Variants in ALPL observed in about 807,000 individuals in gnomAD.
ALPL encodes the protein alkaline phosphatase, tissue-nonspecific isozyme.
Under a neutral mutation model 51.3 loss-of-function variants are expected in ALPL, and 42 were observed. The observed-to-expected ratio is 0.82, with a 90% CI of 0.64 to 1.06. The LOEUF (loss-of-function observed/expected upper bound fraction) is 1.06. Ranked by LOEUF, ALPL falls within the 50% of genes least tolerant of loss-of-function variation. The pLI is 0.00. For missense variants in ALPL, 589 were observed against 709.4 expected (o/e 0.83, Z 1.93); for synonymous variants, 279 against 296.4 (o/e 0.94, Z 0.60).
At chr1:21,548,433 G>C (rs1045435562) in intron 1 of ALPL, among the ~76,000 whole-genome samples, 4 of 152,262 alleles carry the variant, frequency 2.6e-5, no homozygotes, top group Non-Finnish European at 5.9e-5. Context: ...GAGCATCCCA[G>C]CCTGAACTGG....
intron 1 of ALPL, among the ~76,000 whole-genome samples, chr1:21,535,295 C>A (rs139628507): frequency 0.029 from 4,359 of 152,224 alleles, 121 homozygotes; most frequent in Non-Finnish European, 0.038. Context: ...TCTCTGGCCA[C>A]AGCCTGCAAG....
chr1:21,568,049 G>A, intron 6 of ALPL, 55 bp from the exon 7 acceptor site: 1 of 1,612,634 alleles, frequency 6.2e-7, no homozygotes. Context: ...CGAGGTCACT[G>A]GGGCTTCTGG....
chr1:21,512,795 T>C (rs1008277649), intron 1 of ALPL, among the ~76,000 whole-genome samples: 8 of 152,198 alleles, frequency 5.3e-5, no homozygotes, highest in African/African-American at 1.9e-4. Context: ...TTTCCATGCT[T>C]AAATTCTCAG....
At chr1:21,523,063 A>G (rs1643900000) in intron 1 of ALPL, among the ~76,000 whole-genome samples, 1 of 152,184 alleles carries the variant, frequency 6.6e-6, no homozygotes, top group South Asian at 2.1e-4. Flanking sequence ...AGGTGGGTGG[A>G]TCACCTGAGG....
chr1:21,528,720 C>CT (rs1366903473), intron 1 of ALPL, among the ~76,000 whole-genome samples: 2 of 151,832 alleles, frequency 1.3e-5, no homozygotes, highest in African/African-American at 2.4e-5. Context: ...TCCAATTTAC[C>CT]TTTTTTTTCT....
rs1294391078 is a variant in ALPL, at chr1:21,578,289, G to C, written c.*641G>C. 1 of 152,756 alleles carries C rather than the reference G, an allele frequency of 6.5e-6. No homozygotes were observed. The highest frequency in any genetic ancestry group is 1.5e-5 in the Non-Finnish European group (1 of 68,224). 9.5% of individuals were successfully genotyped at this position (152,756 alleles called of 1,614,324 possible). On this transcript the variant is annotated 3_prime_UTR_variant, in exon 12 of 12. Transcript: ENST00000374840. This position sits in a 1 kb window ranked among gnomAD's most constrained non-coding sequence, Gnocchi z 4.2. ...TCCTGGGCTCTGAACACACACGCCA[G>C]CTCCTCTCTGAAGCGACTCTCCTGT...
intron 1 of ALPL, among the ~76,000 whole-genome samples, chr1:21,515,955 T>C (rs1234093942): frequency 6.6e-6 from 1 of 152,130 alleles, no homozygotes; most frequent in East Asian, 1.9e-4. Context: ...CTCACTACAG[T>C]GCAGCCTTGA....
rs1158066004 is a variant in ALPL, at chr1:21,536,027, C to T, written c.-104-17951C>T. On this transcript the variant is annotated intron_variant, in intron 1 of 11. Transcript: ENST00000374840. ...AACCAGTCATTACCAAACTGAAGGGCCTGGAAGGCAGAGCTTGTACCTGCA... is the reference window on the plus strand; with the variant it reads ...AACCAGTCATTACCAAACTGAAGGGTCTGGAAGGCAGAGCTTGTACCTGCA... Among the ~76,000 whole-genome samples the T allele has an allele frequency of 2.0e-5, 3 of 152,342 alleles. No homozygotes were observed. In the East Asian group the frequency reaches 5.8e-4, roughly 29 times the overall value.
chr1:21,536,752 G>A (rs1232866054), intron 1 of ALPL, among the ~76,000 whole-genome samples: 2 of 151,990 alleles, frequency 1.3e-5, no homozygotes, highest in Non-Finnish European at 2.9e-5. Context: ...AAGGAAACTT[G>A]GTGGTATTGT....
At chr1:21,575,948 G>T (rs1329081486) in intron 10 of ALPL, 24 bp downstream of exon 10, 1 of 1,613,930 alleles carries the variant, frequency 6.2e-7, no homozygotes. Flanking sequence ...CTTTGGGGTG[G>T]ACACTCCTGG....
At chr1:21,562,654 C>T (rs1250670558) in intron 4 of ALPL, among the ~76,000 whole-genome samples, 1 of 152,068 alleles carries the variant, frequency 6.6e-6, no homozygotes. Flanking sequence ...GAAGTCAGCG[C>T]TGGTCTTGGC....
intron 1 of ALPL, among the ~76,000 whole-genome samples, chr1:21,529,134 A>G (rs1222820371): frequency 1.3e-5 from 2 of 152,024 alleles, no homozygotes; most frequent in Admixed American, 6.6e-5. Context: ...TCATGAAGAT[A>G]TCCTTTTATA....
At chr1:21,548,030 G>A (rs1357445964) in intron 1 of ALPL, among the ~76,000 whole-genome samples, 5 of 152,192 alleles carry the variant, frequency 3.3e-5, no homozygotes, top group Non-Finnish European at 5.9e-5. Context: ...CTCCTCTGGC[G>A]CCACAGCCTA....
At chr1:21,512,316 C>T (rs1643705463) in intron 1 of ALPL, among the ~76,000 whole-genome samples, 1 of 152,324 alleles carries the variant, frequency 6.6e-6, no homozygotes, top group Non-Finnish European at 1.5e-5. Context: ...GGACAAGTCA[C>T]CTTCCCTTTC....
At chr1:21,560,862 T>C in intron 3 of ALPL, 117 bp downstream of exon 3, 4 of 1,372,090 alleles carry the variant, frequency 2.9e-6, no homozygotes, top group Non-Finnish European at 4.0e-6. Context: ...AGGAAGGGTG[T>C]TTAAAAGGAT....
chr1:21,547,317 C>T (rs771947441), intron 1 of ALPL, among the ~76,000 whole-genome samples: 1 of 152,144 alleles, frequency 6.6e-6, no homozygotes, highest in Non-Finnish European at 1.5e-5. Flanking sequence ...AAGCGGGTCA[C>T]GGCCACTGAC....
intron 1 of ALPL, among the ~76,000 whole-genome samples, chr1:21,535,003 C>A (rs933200309): frequency 4.6e-5 from 7 of 152,200 alleles, no homozygotes; most frequent in Non-Finnish European, 8.8e-5. Flanking sequence ...TTACTTACTT[C>A]CTTGTTGTCT....
chr1:21,565,747 C>A (rs566425500), intron 6 of ALPL, among the ~76,000 whole-genome samples: 40 of 151,386 alleles, frequency 2.6e-4, no homozygotes, highest in Non-Finnish European at 4.0e-4. Context: ...TCCGTCACCA[C>A]CCCCCCAAAA....
intron 2 of ALPL, among the ~76,000 whole-genome samples, chr1:21,558,816 T>C (rs1644446515): frequency 6.6e-6 from 1 of 152,182 alleles, no homozygotes; most frequent in African/African-American, 2.4e-5. Context: ...TGCAGCACCC[T>C]GGCGGCTCCT....
Sources: gnomAD v4.1 joint callset for allele counts (sites outside exome capture counted in the v4.1 genomes callset) on GRCh38, gnomAD v4.1.1 for gene constraint, Gnocchi (gnomAD v3.1) non-coding constraint, MANE v1.5 for transcripts, NCBI Gene and HGNC (gene_info 2026-07-23, HGNC 2026-07-21) for gene names.